Variants in PTN observed in about 807,000 individuals in gnomAD.
PTN encodes heparin affin regulatory protein.
A neutral mutation model predicts 24.1 loss-of-function variants in PTN; 18 were observed. The ratio of observed to expected loss-of-function variants is 0.75; its 90% CI spans 0.52 to 1.11. The LOEUF is 1.11. Among genes scored for constraint, PTN ranks in the 50% least tolerant of loss-of-function variants. The pLI is 0.00. For missense variants in PTN, 163 were observed against 198.8 expected (o/e 0.82, Z 1.08); for synonymous variants, 78 against 68.6 (o/e 1.14, Z -0.67).
chr7:137,292,096 T>A (rs1262439233), intron 1 of PTN, among the ~76,000 whole-genome samples: 1 of 152,172 alleles, frequency 6.6e-6, no homozygotes. Flanking sequence ...ACATGAATTT[T>A]GCCACTTTAT....
In PTN at chr7:137,253,514, A is replaced by C. The variant is rs773353772; in HGVS notation, c.239T>G (p.Met80Arg). The stretch of plus-strand genomic sequence containing the variant: ...GGGGATCTTACATCTCTGGGTCTTC[A>C]TGGTTTGCTTGCACTCAGCTCCAGT... ...TRTGAECKQT[M>R]KTQRCKIPCN... The change falls in exon 3 of 5, where the codon ATG becomes AGG. Residue 80 changes from methionine to arginine, a missense_variant. Coordinates refer to ENST00000348225, the MANE Select transcript of PTN (RefSeq NM_002825.7). 2 of 1,612,242 alleles carry C rather than the reference A, an allele frequency of 1.2e-6. No individual in the cohort carries two copies. Among genetic ancestry groups the C allele is most frequent in the Non-Finnish European group, 1.7e-6 (2 of 1,179,168 alleles).
At chr7:137,248,461 G>A (rs1381383298) in intron 4 of PTN, among the ~76,000 whole-genome samples, 3 of 152,178 alleles carry the variant, frequency 2.0e-5, no homozygotes, top group African/African-American at 4.8e-5. Context: ...CAAGGCGGGT[G>A]TATCATTTGA....
chr7:137,310,139 T>G (rs1218278960), intron 1 of PTN, among the ~76,000 whole-genome samples: 1 of 152,196 alleles, frequency 6.6e-6, no homozygotes, highest in Non-Finnish European at 1.5e-5. Flanking sequence ...TACATTTCCA[T>G]CAGAGCTCTT....
At chr7:137,253,685 C>T in intron 2 of PTN, 48 bp from the exon 3 acceptor site, 1 of 1,408,982 alleles carries the variant, frequency 7.1e-7, no homozygotes, top group South Asian at 1.7e-5. Flanking sequence ...AACTCCTTAA[C>T]TTCCAGATAT....
intron 4 of PTN, among the ~76,000 whole-genome samples, chr7:137,247,581 T>A (rs1400474258): frequency 6.6e-6 from 1 of 152,152 alleles, no homozygotes; most frequent in African/African-American, 2.4e-5. Context: ...GAATAAGACC[T>A]ACTATTTGAT....
chr7:137,287,993 C>T (rs540047724), intron 1 of PTN, among the ~76,000 whole-genome samples: 3 of 152,244 alleles, frequency 2.0e-5, no homozygotes, highest in African/African-American at 4.8e-5. Flanking sequence ...ATTAAACCTA[C>T]CGCAGCAGCA....
chr7:137,243,692 C>T (rs543516174), intron 4 of PTN, among the ~76,000 whole-genome samples: 2 of 152,266 alleles, frequency 1.3e-5, no homozygotes, highest in South Asian at 2.1e-4. Flanking sequence ...TGGAGGTAGA[C>T]GTGACCAACT....
Position 137,228,076 on chromosome 7 carries a change from C to A in PTN, c.452-1G>T. ...TCCTTTTTCTTCTTCTTAGATTCTG[C>A]TGTGATTACAAAAAAGAGAGACAGA... On this transcript the variant is annotated splice_acceptor_variant, in intron 4 of 4. Transcript: ENST00000348225. LOFTEE classifies it high-confidence loss of function. 1 of 1,526,592 alleles carries A rather than the reference C, an allele frequency of 6.6e-7. No individual in the cohort carries two copies. Among genetic ancestry groups the A allele is most frequent in the Non-Finnish European group, 9.1e-7 (1 of 1,104,876 alleles). The allele number at this position is 1,526,592 out of a possible 1,614,324, so 94.6% of individuals were successfully genotyped here. A position where few individuals can be genotyped will look rare whatever the true frequency, so the allele number is the denominator to read the frequency against.
At chr7:137,237,128 C>T (rs553123894) in intron 4 of PTN, among the ~76,000 whole-genome samples, 56 of 152,194 alleles carry the variant, frequency 3.7e-4, no homozygotes, top group Admixed American at 5.9e-4. Flanking sequence ...AGAGTGAGAA[C>T]ATATTTTAGA....
chr7:137,264,633 A>G (rs1423937349), intron 1 of PTN, among the ~76,000 whole-genome samples: 1 of 152,240 alleles, frequency 6.6e-6, no homozygotes, highest in African/African-American at 2.4e-5. Flanking sequence ...AGTTATGTTC[A>G]ACTGGGCTCT....
intron 1 of PTN, among the ~76,000 whole-genome samples, chr7:137,315,189 T>C (rs1424386091): frequency 6.6e-6 from 1 of 152,194 alleles, no homozygotes; most frequent in Non-Finnish European, 1.5e-5. Flanking sequence ...GGTATCACCA[T>C]TAATCAAATG....
intron 4 of PTN, among the ~76,000 whole-genome samples, chr7:137,239,012 T>C (rs1340190032): frequency 6.6e-6 from 1 of 152,210 alleles, no homozygotes; most frequent in Non-Finnish European, 1.5e-5. Flanking sequence ...TATAGCTGTT[T>C]TGTGAGTACA....
intron 4 of PTN, among the ~76,000 whole-genome samples, chr7:137,233,850 C>A (rs533362401): frequency 8.6e-5 from 13 of 151,282 alleles, no homozygotes; most frequent in African/African-American, 3.1e-4. Flanking sequence ...TTACTTGTCT[C>A]ATTTAAAAAG....
chr7:137,268,705 C>T (rs1299376629), intron 1 of PTN, among the ~76,000 whole-genome samples: 2 of 152,172 alleles, frequency 1.3e-5, no homozygotes, highest in Admixed American at 1.3e-4. Flanking sequence ...TCAGGCAGGC[C>T]CAGGCCTGGT....
At chr7:137,290,946 G>A (rs911287402) in intron 1 of PTN, among the ~76,000 whole-genome samples, 9 of 152,100 alleles carry the variant, frequency 5.9e-5, no homozygotes, top group African/African-American at 1.9e-4. Flanking sequence ...ACATTTGAAA[G>A]GTATTTTTTA....
intron 1 of PTN, among the ~76,000 whole-genome samples, chr7:137,280,871 C>CA (rs545644934): frequency 0.11 from 7,416 of 65,276 alleles, 432 homozygotes; most frequent in African/African-American, 0.24. Flanking sequence ...GACTTTGTCT[C>CA]AAAAAAAAAA....
In PTN at chr7:137,280,691, T is replaced by TAACAAAAAAAAAAAA. The variant is rs760779128; in HGVS notation, c.-1-25718_-1-25717insTTTTTTTTTTTTGTT. The stretch of plus-strand genomic sequence containing the variant: ...CAACATGGCAAAACCCCGTCTCTAC[T>TAACAAAAAAAAAAAA]AAAAATACAAAAAAAAAAAAAAAAA... On this transcript the variant is annotated intron_variant, in intron 1 of 4. Coordinates refer to ENST00000348225, the MANE Select transcript of PTN (RefSeq NM_002825.7). Among the ~76,000 whole-genome samples the TAACAAAAAAAAAAAA allele has an allele frequency of 4.5e-3, 66 of 14,738 alleles. 4 individuals carry two copies. Among genetic ancestry groups the TAACAAAAAAAAAAAA allele is most frequent in the African/African-American group, 6.3e-3 (35 of 5,530 alleles). The allele number at this position is 14,738 out of a possible 152,430, so 9.7% of individuals were successfully genotyped here. A position where few individuals can be genotyped will look rare whatever the true frequency, so the allele number is the denominator to read the frequency against.
At chr7:137,298,222 A>G (rs1231586011) in intron 1 of PTN, among the ~76,000 whole-genome samples, 1 of 152,010 alleles carries the variant, frequency 6.6e-6, no homozygotes, top group Non-Finnish European at 1.5e-5. Context: ...TTTTGATTAA[A>G]TTTTGATTGA....
intron 1 of PTN, among the ~76,000 whole-genome samples, chr7:137,327,115 A>C (rs561378426): frequency 6.6e-6 from 1 of 152,308 alleles, no homozygotes; most frequent in East Asian, 1.9e-4. Flanking sequence ...AGAATGTAAA[A>C]GGATCAAGGG....
Sources: allele counts gnomAD v4.1 joint callset (sites outside exome capture counted in the v4.1 genomes callset), GRCh38; gene constraint gnomAD v4.1.1; transcripts MANE v1.5; gene names NCBI Gene and HGNC (gene_info 2026-07-23, HGNC 2026-07-21).